The following UBE2E2 variants were observed in gnomAD, a reference collection of about 807,000 sequenced individuals.
The protein encoded by UBE2E2 is ubiquitin-conjugating enzyme E2 E2.
UBE2E2 carries 6 observed loss-of-function variants against 24.7 expected under a neutral mutation model. The observed-to-expected ratio is 0.24, with a 90% CI of 0.13 to 0.48. The LOEUF is 0.48. Among genes scored for constraint, UBE2E2 ranks in the 20% least tolerant of loss-of-function variants. UBE2E2 has a pLI of 0.99. For synonymous variants in UBE2E2, 104 were observed against 83.6 expected (o/e 1.24, Z -1.33); for missense variants, 169 against 245.0 (o/e 0.69, Z 2.07).
intron 3 of UBE2E2, among the ~76,000 whole-genome samples, chr3:23,381,469 T>C (rs776025674): frequency 2.6e-5 from 4 of 152,156 alleles, no homozygotes; most frequent in Non-Finnish European, 5.9e-5. Context: ...TTCAAGTATG[T>C]ATAGGATTTA....
intron 3 of UBE2E2, among the ~76,000 whole-genome samples, chr3:23,362,131 T>G (rs192967373): frequency 1.6e-4 from 25 of 152,252 alleles, no homozygotes; most frequent in Admixed American, 1.6e-3. Flanking sequence ...AAAGGGCTAG[T>G]TAACCCTGAC....
At chr3:23,574,638 G>A (rs1280787060) in intron 5 of UBE2E2, among the ~76,000 whole-genome samples, 1 of 152,098 alleles carries the variant, frequency 6.6e-6, no homozygotes, top group African/African-American at 2.4e-5. Flanking sequence ...GATTGCTTGA[G>A]CCAAGGAGTT....
intron 3 of UBE2E2, among the ~76,000 whole-genome samples, chr3:23,478,238 A>G (rs763739863): frequency 6.6e-6 from 1 of 152,252 alleles, no homozygotes; most frequent in African/African-American, 2.4e-5. Context: ...AAAGATAAGT[A>G]AGACACAGTG....
intron 3 of UBE2E2, among the ~76,000 whole-genome samples, chr3:23,497,392 T>C (rs995967296): frequency 1.3e-5 from 2 of 152,242 alleles, no homozygotes; most frequent in Non-Finnish European, 2.9e-5. Flanking sequence ...AGATGATTTT[T>C]GTCACGTGGC....
chr3:23,400,113 A>G (rs34134134), intron 3 of UBE2E2, among the ~76,000 whole-genome samples: 10,750 of 152,256 alleles, frequency 0.071, 506 homozygotes, highest in Non-Finnish European at 0.088. Flanking sequence ...AAATTGCTGC[A>G]GATAAAGTCT....
At chr3:23,456,170 G>A (rs1334205459) in intron 3 of UBE2E2, among the ~76,000 whole-genome samples, 1 of 152,152 alleles carries the variant, frequency 6.6e-6, no homozygotes, top group Non-Finnish European at 1.5e-5. Flanking sequence ...TAAGATTGCA[G>A]CAAATCAATA....
intron 5 of UBE2E2, among the ~76,000 whole-genome samples, chr3:23,577,425 G>A (rs1696369660): frequency 1.3e-5 from 2 of 151,960 alleles, no homozygotes; most frequent in African/African-American, 4.8e-5. Context: ...TTAAGCCAAA[G>A]CCTAATCCAG....
chr3:23,520,676 C>T (rs1198113374), intron 4 of UBE2E2, among the ~76,000 whole-genome samples: 1 of 152,226 alleles, frequency 6.6e-6, no homozygotes, highest in African/African-American at 2.4e-5. Flanking sequence ...GACACAGAGT[C>T]TCTGTCATTC....
intron 5 of UBE2E2, among the ~76,000 whole-genome samples, chr3:23,552,089 A>G (rs919939310): frequency 3.9e-5 from 6 of 152,156 alleles, no homozygotes; most frequent in Admixed American, 2.6e-4. Flanking sequence ...ATGATCTTTG[A>G]GTTCCCAGCC....
At chr3:23,581,105 C>T (rs1419395485) in intron 5 of UBE2E2, among the ~76,000 whole-genome samples, 1 of 152,036 alleles carries the variant, frequency 6.6e-6, no homozygotes, top group Non-Finnish European at 1.5e-5. Context: ...GGGTCTCACT[C>T]TGACACCCAG....
At chr3:23,558,576 T>C (rs1010077605) in intron 5 of UBE2E2, among the ~76,000 whole-genome samples, 4 of 152,120 alleles carry the variant, frequency 2.6e-5, no homozygotes, top group Non-Finnish European at 5.9e-5. Context: ...AAGACTCTCT[T>C]CATGGTTAAT....
At chr3:23,302,113 G>C (rs1334233472) in intron 3 of UBE2E2, among the ~76,000 whole-genome samples, 2 of 151,936 alleles carry the variant, frequency 1.3e-5, no homozygotes, top group African/African-American at 2.4e-5. Flanking sequence ...TTGAGGCTTG[G>C]GCTCTCCATG....
intron 3 of UBE2E2, among the ~76,000 whole-genome samples, chr3:23,384,985 C>A (rs747092604): frequency 6.6e-6 from 1 of 151,524 alleles, no homozygotes; most frequent in Non-Finnish European, 1.5e-5. Flanking sequence ...AGTCTGATTG[C>A]GGTGGCATGA....
chr3:23,236,435 T>G (rs915988417), intron 3 of UBE2E2, among the ~76,000 whole-genome samples: 1 of 151,492 alleles, frequency 6.6e-6, no homozygotes, highest in Admixed American at 6.6e-5. Flanking sequence ...CTGAATGTTG[T>G]CCAGTCAGGC....
At chr3:23,336,496 A>C (rs1695215085) in intron 3 of UBE2E2, among the ~76,000 whole-genome samples, 1 of 152,236 alleles carries the variant, frequency 6.6e-6, no homozygotes, top group African/African-American at 2.4e-5. Context: ...AACTGAGAAT[A>C]CAGAATCAGT....
chr3:23,416,029 A>C (rs76792885), intron 3 of UBE2E2, among the ~76,000 whole-genome samples: 11,010 of 152,186 alleles, frequency 0.072, 516 homozygotes, highest in Non-Finnish European at 0.088. Flanking sequence ...TTTGATGAGA[A>C]TGATGGTTTC....
intron 3 of UBE2E2, among the ~76,000 whole-genome samples, chr3:23,404,773 A>ATGTC (rs1697317310): frequency 6.6e-6 from 1 of 152,186 alleles, no homozygotes; most frequent in Non-Finnish European, 1.5e-5. Flanking sequence ...TTGCCAATGT[A>ATGTC]TGTCTGTCTG....
chr3:23,538,116 A>G (rs1464401403), intron 5 of UBE2E2, among the ~76,000 whole-genome samples: 1 of 152,210 alleles, frequency 6.6e-6, no homozygotes, highest in Non-Finnish European at 1.5e-5. Context: ...ACTACAAAAA[A>G]AAAATTTTTT....
intron 3 of UBE2E2, among the ~76,000 whole-genome samples, chr3:23,291,027 G>GCA (rs374582056): frequency 5.8e-4 from 86 of 147,202 alleles, no homozygotes; most frequent in African/African-American, 2.0e-3. Flanking sequence ...TATGAACAAT[G>GCA]CACTGCCCTC....
Sources: gnomAD v4.1 joint callset for allele counts (sites outside exome capture counted in the v4.1 genomes callset) on GRCh38, gnomAD v4.1.1 for gene constraint, MANE v1.5 for transcripts, NCBI Gene and HGNC (gene_info 2026-07-23, HGNC 2026-07-21) for gene names.